CHST11: variants seen among roughly 807,000 people sequenced by gnomAD.
The protein encoded by CHST11 is C4S-1.
CHST11 carries 9 observed loss-of-function variants against 30.4 expected under a neutral mutation model. That is an observed-to-expected ratio of 0.30 (90% CI 0.18 to 0.52). CHST11 has a LOEUF of 0.52. Among genes scored for constraint, CHST11 ranks in the 20% least tolerant of loss-of-function variants. CHST11 has a pLI of 0.97. For synonymous variants in CHST11, 152 were observed against 187.8 expected, an observed-to-expected ratio of 0.81 and a Z score of 1.56; for missense variants, 348 against 460.6, an observed-to-expected ratio of 0.76 and a Z score of 2.24.
intron 2 of CHST11, among the ~76,000 whole-genome samples, chr12:104,740,696 T>C (rs565196117): frequency 1.3e-5 from 2 of 152,224 alleles, no homozygotes; most frequent in Non-Finnish European, 2.9e-5. Flanking sequence ...CAGAAGAATA[T>C]TAATACCTCT....
At chr12:104,522,450 A>G (rs1254833807) in intron 1 of CHST11, among the ~76,000 whole-genome samples, 1 of 152,130 alleles carries the variant, frequency 6.6e-6, no homozygotes, top group African/African-American at 2.4e-5. Flanking sequence ...CTTTTGCCTG[A>G]TGTAGATGTA....
chr12:104,492,848 A>G (rs1232283430), intron 1 of CHST11, among the ~76,000 whole-genome samples: 1 of 152,194 alleles, frequency 6.6e-6, no homozygotes, highest in Non-Finnish European at 1.5e-5. Flanking sequence ...CCTGACCAAC[A>G]TGGTGAAACC....
chr12:104,684,961 A>T (rs2039832852), intron 2 of CHST11, among the ~76,000 whole-genome samples: 1 of 152,220 alleles, frequency 6.6e-6, no homozygotes, highest in South Asian at 2.1e-4. Flanking sequence ...CAAATATATT[A>T]TGATTAAAGT....
In CHST11 at chr12:104,584,263, T is replaced by TC. The variant is rs202047974; in HGVS notation, c.119-17643_119-17642insC. Among the ~76,000 whole-genome samples, 701 of 149,252 alleles carry TC rather than the reference T, an allele frequency of 4.7e-3. 5 individuals carry two copies. Among genetic ancestry groups the TC allele is most frequent in the African/African-American group, 0.016 (659 of 40,754 alleles). On this transcript the variant is annotated intron_variant, in intron 1 of 2. Transcript: ENST00000303694. ...AAGTTGTTTTCTTTCTCTTTCTTCT[T>TC]TTTTTTTTTTTTTCACAGCGTCTTA...
At chr12:104,462,180 A>G (rs983840022) in intron 1 of CHST11, among the ~76,000 whole-genome samples, 2 of 149,518 alleles carry the variant, frequency 1.3e-5, no homozygotes, top group Non-Finnish European at 3.0e-5. Flanking sequence ...AAAAAAAAAA[A>G]AAAAAGAAAA....
chr12:104,505,698 A>G (rs1167205431), intron 1 of CHST11, among the ~76,000 whole-genome samples: 3 of 152,190 alleles, frequency 2.0e-5, no homozygotes, highest in African/African-American at 7.2e-5. Context: ...TTAGGGCCAA[A>G]TTAGATAATA....
chr12:104,716,895 T>C (rs933258596), intron 2 of CHST11, among the ~76,000 whole-genome samples: 1 of 152,232 alleles, frequency 6.6e-6, no homozygotes, highest in African/African-American at 2.4e-5. Flanking sequence ...AGAAATCTGA[T>C]GTGGATCTCA....
chr12:104,519,472 A>G (rs2038056232), intron 1 of CHST11, among the ~76,000 whole-genome samples: 2 of 152,214 alleles, frequency 1.3e-5, no homozygotes, highest in South Asian at 4.1e-4. Flanking sequence ...AGGCAGCCAC[A>G]GGATGGGTTT....
intron 2 of CHST11, among the ~76,000 whole-genome samples, chr12:104,622,321 C>T (rs1324393317): frequency 6.6e-6 from 1 of 152,206 alleles, no homozygotes; most frequent in Non-Finnish European, 1.5e-5. Context: ...GGTACTACCA[C>T]TGTTTAGTCA....
At chr12:104,592,696 C>G (rs1428720625) in intron 1 of CHST11, among the ~76,000 whole-genome samples, 1 of 152,228 alleles carries the variant, frequency 6.6e-6, no homozygotes, top group African/African-American at 2.4e-5. Context: ...GATTCATTCT[C>G]TTTCCTTCTG....
chr12:104,624,165 G>A (rs1178625338), intron 2 of CHST11, among the ~76,000 whole-genome samples: 5 of 152,134 alleles, frequency 3.3e-5, no homozygotes, highest in Admixed American at 6.5e-5. Flanking sequence ...ACTCCATTCC[G>A]GCCTCTGATC....
intron 2 of CHST11, among the ~76,000 whole-genome samples, chr12:104,693,375 C>G (rs539925893): frequency 6.6e-6 from 1 of 152,286 alleles, no homozygotes; most frequent in East Asian, 1.9e-4. Context: ...TATGCCATAC[C>G]TAGGGTAGCA....
chr12:104,703,416 C>CT (rs1420101373), intron 2 of CHST11, among the ~76,000 whole-genome samples: 10 of 152,336 alleles, frequency 6.6e-5, no homozygotes, highest in Middle Eastern at 3.4e-3. Context: ...TGACATCCTC[C>CT]TTTTCCATGC....
intron 1 of CHST11, among the ~76,000 whole-genome samples, chr12:104,511,311 G>T (rs2037963473): frequency 6.6e-6 from 1 of 152,158 alleles, no homozygotes. Flanking sequence ...AGGAAATTAT[G>T]TTTCCCACTT....
At chr12:104,753,623 A>G (rs2040452149) in intron 2 of CHST11, among the ~76,000 whole-genome samples, 1 of 152,218 alleles carries the variant, frequency 6.6e-6, no homozygotes. Context: ...AACAATACCC[A>G]GGCACTAAGG....
intron 2 of CHST11, among the ~76,000 whole-genome samples, chr12:104,665,554 CG>C (rs1475882619): frequency 2.6e-5 from 4 of 152,022 alleles, no homozygotes; most frequent in African/African-American, 9.7e-5. Context: ...ACTCACAGGG[CG>C]GTTCTGAGTA....
chr12:104,567,079 T>C (rs771919920), intron 1 of CHST11, among the ~76,000 whole-genome samples: 5 of 152,200 alleles, frequency 3.3e-5, no homozygotes, highest in Non-Finnish European at 7.3e-5. Context: ...TGAGGTTCTT[T>C]ATCAGGACCA....
At chr12:104,476,543 G>A (rs2037564671) in intron 1 of CHST11, among the ~76,000 whole-genome samples, 1 of 151,928 alleles carries the variant, frequency 6.6e-6, no homozygotes, top group Non-Finnish European at 1.5e-5. Flanking sequence ...ATATTTTTGA[G>A]AAAGATTTTC....
chr12:104,512,652 A>G (rs1218863251), intron 1 of CHST11, among the ~76,000 whole-genome samples: 1 of 152,216 alleles, frequency 6.6e-6, no homozygotes. Flanking sequence ...GTTTCTCCAG[A>G]AAAGGACTAT....
Sources: gnomAD v4.1 joint callset for allele counts (sites outside exome capture counted in the v4.1 genomes callset) on GRCh38, gnomAD v4.1.1 for gene constraint, MANE v1.5 for transcripts, NCBI Gene and HGNC (gene_info 2026-07-23, HGNC 2026-07-21) for gene names.